RALGAPA2: variants seen among roughly 807,000 people sequenced by gnomAD.
RALGAPA2 encodes ral GTPase-activating protein subunit alpha-2.
A neutral mutation model predicts 230.4 loss-of-function variants in RALGAPA2; 139 were observed. That is an observed-to-expected ratio of 0.60 (90% CI 0.53 to 0.69). The LOEUF (loss-of-function observed/expected upper bound fraction) is 0.69. RALGAPA2 is among the 30% of genes least tolerant of loss of function. The pLI is 0.00. For missense variants in RALGAPA2, 2,163 were observed against 2,276.0 expected (o/e 0.95, Z 1.01); for synonymous variants, 847 against 837.8 (o/e 1.01, Z -0.19).
chr20:20,667,551 A>G (rs1373142371), intron 3 of RALGAPA2, among the ~76,000 whole-genome samples: 1 of 152,248 alleles, frequency 6.6e-6, no homozygotes, highest in East Asian at 1.9e-4. Flanking sequence ...AAAAGCTAGC[A>G]TCCACAATAT....
rs574607480 is a variant in RALGAPA2, at chr20:20,546,572, G to A, written c.3285+132C>T. 6.7e-6 allele frequency: 8 copies of A among 1,187,358 alleles called. No homozygotes were observed. In the Admixed American group the frequency reaches 1.1e-4, roughly 16 times the overall value. 73.6% of individuals were successfully genotyped at this position (1,187,358 alleles called of 1,614,324 possible). The stretch of plus-strand genomic sequence containing the variant: ...TACAATTTCACACATCAGCTGCCAG[G>A]GTATCTACCCTGAGAGCCCAGTTTC... On this transcript the variant is annotated intron_variant, in intron 24 of 39. Coordinates refer to ENST00000202677, the MANE Select transcript of RALGAPA2 (RefSeq NM_020343.4).
chr20:20,653,415 C>G (rs1157402517), intron 4 of RALGAPA2, 115 bp downstream of exon 4: 8 of 659,520 alleles, frequency 1.2e-5, no homozygotes, highest in Non-Finnish European at 2.1e-5. Context: ...TAATACCATA[C>G]CCTTATTAAT....
intron 37 of RALGAPA2, among the ~76,000 whole-genome samples, chr20:20,454,174 G>T (rs536065832): frequency 6.6e-6 from 1 of 152,334 alleles, no homozygotes; most frequent in Non-Finnish European, 1.5e-5. Flanking sequence ...AGTGGCCTGT[G>T]AGGTGCAGAT....
chr20:20,543,373 C>A (rs2063699920), intron 24 of RALGAPA2, among the ~76,000 whole-genome samples: 1 of 151,952 alleles, frequency 6.6e-6, no homozygotes, highest in Non-Finnish European at 1.5e-5. Context: ...TAAGAAAAAA[C>A]CACTGGGTAT....
At chr20:20,707,324 A>T (rs2069646204) in intron 1 of RALGAPA2, among the ~76,000 whole-genome samples, 1 of 152,212 alleles carries the variant, frequency 6.6e-6, no homozygotes, top group African/African-American at 2.4e-5. Flanking sequence ...ACTTCAATAA[A>T]ATCTAAGGAA....
chr20:20,705,000 C>A (rs1007985564), intron 1 of RALGAPA2, among the ~76,000 whole-genome samples: 8 of 152,230 alleles, frequency 5.3e-5, no homozygotes, highest in Non-Finnish European at 1.2e-4. Context: ...GGCTTTGCTG[C>A]TGTTCCTCCT....
At position 20,582,974 on chromosome 20, in the gene RALGAPA2, T is replaced by C. The variant is rs1050638904; in HGVS notation, c.2707+76A>G. ...CCTACAACTGTTTCAGAACCCTCTG[T>C]ATACAAGACTCCAATGATTCACAAC... On this transcript the variant is annotated intron_variant, in intron 20 of 39. Transcript: ENST00000202677. 7 of 1,472,110 alleles carry C rather than the reference T, an allele frequency of 4.8e-6. 1 individual carries two copies. Among genetic ancestry groups the C allele is most frequent in the South Asian group, 3.9e-5 (3 of 76,966 alleles). The allele number at this position is 1,472,110 out of a possible 1,614,324, so 91.2% of individuals were successfully genotyped here. A position where few individuals can be genotyped will look rare whatever the true frequency, so the allele number is the denominator to read the frequency against.
At chr20:20,664,361 T>C (rs2067887057) in intron 3 of RALGAPA2, among the ~76,000 whole-genome samples, 1 of 152,242 alleles carries the variant, frequency 6.6e-6, no homozygotes, top group South Asian at 2.1e-4. Flanking sequence ...TCTAATCTCT[T>C]TTTAAAGAAA....
intron 20 of RALGAPA2, among the ~76,000 whole-genome samples, chr20:20,578,718 A>C (rs1181499455): frequency 6.6e-6 from 1 of 152,192 alleles, no homozygotes. Context: ...TGAAAACTAA[A>C]CATAAAAAAC....
In RALGAPA2 at chr20:20,395,173, G is replaced by C. The variant is rs8116103; in HGVS notation, c.*35+1522C>G. Among the ~76,000 whole-genome samples, 933 of 152,350 alleles carry C rather than the reference G, an allele frequency of 6.1e-3. 12 individuals are homozygous for C. The highest frequency in any genetic ancestry group is 0.022 in the African/African-American group (895 of 41,588). ...CCTGAAAGCAGGGATCCCATGGCCA[G>C]GGGCAAAGGGCAAAGCCACCCCTGC... On this transcript the variant is annotated intron_variant, in intron 39 of 39. Transcript: ENST00000202677.
At chr20:20,458,864 A>AGACC (rs2061231139) in intron 37 of RALGAPA2, among the ~76,000 whole-genome samples, 1 of 138,972 alleles carries the variant, frequency 7.2e-6, no homozygotes, top group Admixed American at 7.2e-5. Context: ...ACCTATATAT[A>AGACC]TATATATATA....
At chr20:20,494,346 T>C (rs1373681466) in intron 36 of RALGAPA2, among the ~76,000 whole-genome samples, 1 of 152,220 alleles carries the variant, frequency 6.6e-6, no homozygotes, top group Non-Finnish European at 1.5e-5. Context: ...GTCATTCCTC[T>C]TGAGGGATGG....
chr20:20,624,899 T>A (rs1425239886), intron 10 of RALGAPA2, among the ~76,000 whole-genome samples: 2 of 152,176 alleles, frequency 1.3e-5, no homozygotes, highest in Admixed American at 6.5e-5. Context: ...GAATGAAGAA[T>A]TAAGGATTCC....
chr20:20,467,847 G>T (rs114621735), intron 37 of RALGAPA2, among the ~76,000 whole-genome samples: 125 of 152,140 alleles, frequency 8.2e-4, no homozygotes, highest in Non-Finnish European at 1.6e-3. Flanking sequence ...TTTCTCAGAG[G>T]AATAATTTTA....
intron 36 of RALGAPA2, among the ~76,000 whole-genome samples, chr20:20,488,699 C>G (rs1245766700): frequency 6.6e-6 from 1 of 152,208 alleles, no homozygotes; most frequent in Non-Finnish European, 1.5e-5. Flanking sequence ...ATTAAAGCAG[C>G]CTCCTTCCTG....
chr20:20,605,166 T>C lies in RALGAPA2; in HGVS notation c.2038+9A>G. 1.3e-6 allele frequency: 2 copies of C among 1,581,970 alleles called. No homozygotes were observed. On this transcript the variant is annotated intron_variant, in intron 15 of 39. Transcript: ENST00000202677. ...GACATCTGGTGTTAACCTGGAAGAG[T>C]GGAAATACCTTTGCCTCGTTGCTTC...
At chr20:20,405,763 G>A (rs1337595524) in intron 38 of RALGAPA2, among the ~76,000 whole-genome samples, 1 of 152,192 alleles carries the variant, frequency 6.6e-6, no homozygotes, top group African/African-American at 2.4e-5. Flanking sequence ...CTTCTTATCA[G>A]ATTTCTTGTC....
chr20:20,635,738 T>G (rs2066836615), intron 8 of RALGAPA2, 121 bp from the exon 9 acceptor site: 1 of 802,798 alleles, frequency 1.2e-6, no homozygotes, highest in African/African-American at 1.8e-5. Context: ...CAACTAAGAA[T>G]GAAGAACCGC....
At chr20:20,599,236 T>A (rs988210920) in intron 16 of RALGAPA2, among the ~76,000 whole-genome samples, 11 of 152,214 alleles carry the variant, frequency 7.2e-5, no homozygotes, top group Non-Finnish European at 1.6e-4. Context: ...GAGAGCTGAC[T>A]GTATTCAAAA....
Sources: gnomAD v4.1 joint callset for allele counts (sites outside exome capture counted in the v4.1 genomes callset) on GRCh38, gnomAD v4.1.1 for gene constraint, MANE v1.5 for transcripts, NCBI Gene and HGNC (gene_info 2026-07-23, HGNC 2026-07-21) for gene names.